The following GPR63 variants were observed in gnomAD, a reference collection of about 807,000 sequenced individuals.
GPR63 encodes the protein probable G protein-coupled receptor 63.
In GPR63, 12 loss-of-function variants were observed where a neutral mutation model predicts 23.1. That is an observed-to-expected ratio of 0.52 (90% CI 0.33 to 0.84). The LOEUF (loss-of-function observed/expected upper bound fraction) is 0.84, where lower values mean the gene tolerates loss of function less well. GPR63 is among the 40% of genes least tolerant of loss of function. The pLI is 0.02. For missense variants in GPR63, 472 were observed against 515.6 expected, an observed-to-expected ratio of 0.92 and a Z score of 0.82; for synonymous variants, 172 against 191.1, an observed-to-expected ratio of 0.90 and a Z score of 0.82.
In GPR63 at chr6:96,817,389, G is replaced by A. The variant is rs543606432; in HGVS notation, c.-150-17508C>T. 2.2e-4 allele frequency among the ~76,000 whole-genome samples: 34 copies of A among 152,156 alleles called. 1 individual carries two copies. The East Asian group carries it at 6.4e-3, about 28-fold the overall frequency. ...ATATACCAAATACTGACCAGGATGT[G>A]GTACACATGAAACTTTCATTCATTG... is the stretch of plus-strand genomic sequence containing the variant. On this transcript the variant is annotated intron_variant, in intron 1 of 1. Transcript: ENST00000229955.
rs1350579607 is a variant in GPR63 at position 96,798,991 on chromosome 6, A to G, written c.741T>C (p.Ser247=). The change falls in exon 2 of 2, where the codon TCT becomes TCC. Residue 247 remains serine (S), a synonymous_variant. Coordinates refer to ENST00000229955, the MANE Select transcript of GPR63 (RefSeq NM_030784.4). ...GGAAGGGTATGAAGAAAGAAATGAG[A>G]GAAATCAAAATCACATAAGCCTGGT... ...PGYQAYVILI[S]LISFFIPFLV... The G allele has an allele frequency of 1.2e-6, 2 of 1,614,030 alleles. No individual in the cohort carries two copies. The highest frequency in any genetic ancestry group is 1.7e-5 in the Admixed American group (1 of 59,992).
chr6:96,829,209 C>A (rs1286672303), intron 1 of GPR63, among the ~76,000 whole-genome samples: 1 of 152,194 alleles, frequency 6.6e-6, no homozygotes, highest in Non-Finnish European at 1.5e-5. Context: ...ACACGTGGAA[C>A]ACTTATTTGT....
At chr6:96,800,464 C>T (rs1773733415) in intron 1 of GPR63, among the ~76,000 whole-genome samples, 1 of 152,024 alleles carries the variant, frequency 6.6e-6, no homozygotes, top group Admixed American at 6.5e-5. Context: ...ATTTTCTTGG[C>T]TTGCTATTTA....
At chr6:96,823,032 A>T (rs1227759731) in intron 1 of GPR63, among the ~76,000 whole-genome samples, 1 of 152,194 alleles carries the variant, frequency 6.6e-6, no homozygotes, top group Non-Finnish European at 1.5e-5. Context: ...CACAATATTC[A>T]TGTGTTTGCA....
chr6:96,819,207 G>A (rs1421417450), intron 1 of GPR63, among the ~76,000 whole-genome samples: 1 of 152,126 alleles, frequency 6.6e-6, no homozygotes, highest in African/African-American at 2.4e-5. Context: ...CTGCTATAAA[G>A]ACACATGTAC....
At chr6:96,822,475 G>T (rs567242203) in intron 1 of GPR63, among the ~76,000 whole-genome samples, 10 of 152,244 alleles carry the variant, frequency 6.6e-5, no homozygotes, top group African/African-American at 2.4e-4. Context: ...AAAGACAAAA[G>T]AAATGTTGAC....
chr6:96,824,216 ACAGATGTCTTT>A (rs1220734169), intron 1 of GPR63, among the ~76,000 whole-genome samples: 3 of 151,998 alleles, frequency 2.0e-5, no homozygotes, highest in African/African-American at 7.2e-5. Context: ...AAGACCAAAA[ACAGATGTCTTT>A]CACTATAATA....
At chr6:96,823,502 T>G (rs1174469379) in intron 1 of GPR63, among the ~76,000 whole-genome samples, 2 of 152,164 alleles carry the variant, frequency 1.3e-5, no homozygotes, top group Non-Finnish European at 2.9e-5. Context: ...CATTCATGTT[T>G]TAAGATGTTA....
At position 96,798,495 on chromosome 6, in the gene GPR63, C is replaced by T. The variant is rs1773652004; in HGVS notation, c.1237G>A (p.Gly413Arg). The T allele has an allele frequency of 6.2e-7, 1 of 1,613,764 alleles. No homozygotes were observed. Among genetic ancestry groups the T allele is most frequent in the Admixed American group, 1.7e-5 (1 of 60,006 alleles). The stretch of plus-strand genomic sequence containing the variant: ...ATTCACACCACCGTCCGATGTTCCC[C>T]ACACACATAGACAGCACTAGGACGT... ...RIRPSAVYVC[G>R]EHRTVV Residue 413 changes from glycine (G) to arginine (R), a missense_variant, in exon 2 of 2, where the codon GGG (glycine) becomes AGG (arginine). Transcript: ENST00000229955.
chr6:96,827,351 A>G (rs998989870), intron 1 of GPR63, among the ~76,000 whole-genome samples: 11 of 152,114 alleles, frequency 7.2e-5, no homozygotes, highest in African/African-American at 2.7e-4. Flanking sequence ...AAATACAATC[A>G]AGCGAAAACA....
chr6:96,813,077 A>G (rs1316538951), intron 1 of GPR63, among the ~76,000 whole-genome samples: 1 of 152,152 alleles, frequency 6.6e-6, no homozygotes, highest in Non-Finnish European at 1.5e-5. Flanking sequence ...TTTAGCTCCC[A>G]CATGAATAAG....
At chr6:96,807,068 G>A (rs1182570144) in intron 1 of GPR63, among the ~76,000 whole-genome samples, 2 of 152,234 alleles carry the variant, frequency 1.3e-5, no homozygotes, top group African/African-American at 4.8e-5. Flanking sequence ...TGCCAGAGAT[G>A]AAAAACTACA....
intron 1 of GPR63, among the ~76,000 whole-genome samples, chr6:96,806,254 A>T (rs951792891): frequency 1.8e-4 from 28 of 152,154 alleles, no homozygotes; most frequent in Non-Finnish European, 2.9e-5. Context: ...CATCTTTTAA[A>T]TTTTCTAGGG....
chr6:96,808,927 C>T (rs1272564109), intron 1 of GPR63, among the ~76,000 whole-genome samples: 3 of 148,574 alleles, frequency 2.0e-5, no homozygotes, highest in Admixed American at 1.4e-4. Flanking sequence ...CCTCCCCCGT[C>T]CCCCCACCCC....
chr6:96,834,805 G>A (rs1012829780), intron 1 of GPR63, among the ~76,000 whole-genome samples: 1 of 152,148 alleles, frequency 6.6e-6, no homozygotes, highest in Non-Finnish European at 1.5e-5. Flanking sequence ...CTGGAGCACT[G>A]TATTTATACA....
chr6:96,816,209 T>C (rs1467086201), intron 1 of GPR63, among the ~76,000 whole-genome samples: 4 of 152,174 alleles, frequency 2.6e-5, no homozygotes, highest in Non-Finnish European at 5.9e-5. Context: ...TTCGAAACAG[T>C]GTTCAGTCTC....
chr6:96,810,497 G>GAA (rs5878448), intron 1 of GPR63, among the ~76,000 whole-genome samples: 12 of 126,764 alleles, frequency 9.5e-5, no homozygotes, highest in South Asian at 4.9e-4. Flanking sequence ...TCCGTCCCAG[G>GAA]AAAAAAAAAA....
At chr6:96,821,745 T>C (rs1409189030) in intron 1 of GPR63, among the ~76,000 whole-genome samples, 2 of 152,152 alleles carry the variant, frequency 1.3e-5, no homozygotes, top group Non-Finnish European at 2.9e-5. Context: ...CAAGACCATA[T>C]ATGACATGAT....
At chr6:96,821,468 AAT>A (rs201359044) in intron 1 of GPR63, among the ~76,000 whole-genome samples, 4,720 of 145,124 alleles carry the variant, frequency 0.033, 99 homozygotes, top group Non-Finnish European at 0.037. Flanking sequence ...GTGACTTTCA[AAT>A]ATCTCTTTTC....
Sources: allele counts gnomAD v4.1 joint callset (sites outside exome capture counted in the v4.1 genomes callset), GRCh38; gene constraint gnomAD v4.1.1; transcripts MANE v1.5; gene names NCBI Gene and HGNC (gene_info 2026-07-23, HGNC 2026-07-21).